The following PSAP variants were observed in gnomAD, a reference collection of about 807,000 sequenced individuals.
The protein encoded by PSAP is precursor of saposins.
A neutral mutation model predicts 66.0 loss-of-function variants in PSAP; 25 were observed. The ratio of observed to expected loss-of-function variants is 0.38; its 90% confidence interval spans 0.28 to 0.53. The LOEUF (loss-of-function observed/expected upper bound fraction) is 0.53, where lower values mean the gene tolerates loss of function less well. PSAP is among the 20% of genes least tolerant of loss of function. The pLI is 0.83. For missense variants in PSAP, 649 were observed against 668.8 expected (o/e 0.97, Z 0.33); for synonymous variants, 273 against 258.9 (o/e 1.05, Z -0.52).
rs909383474 is a variant in PSAP at position 71,816,949 on chromosome 10, A to T, written c.*492T>A. On this transcript the variant is annotated 3_prime_UTR_variant, in exon 14 of 14. Transcript: ENST00000394936. ...AAAAGCCTGATTATTCCAGGCTTCT[A>T]ATCTTTCATATAAAACTGCCTTTGT... The T allele has an allele frequency of 9.7e-6, 2 of 206,052 alleles. No individual in the cohort carries two copies. Among genetic ancestry groups the T allele is most frequent in the Non-Finnish European group, 2.0e-5 (2 of 99,158 alleles). 12.8% of individuals were successfully genotyped at this position (206,052 alleles called of 1,614,324 possible).
intron 7 of PSAP, among the ~76,000 whole-genome samples, chr10:71,823,011 G>GAA (rs1239335636): frequency 1.4e-4 from 20 of 142,396 alleles, no homozygotes; most frequent in African/African-American, 5.1e-4. Flanking sequence ...AAGCTTTTTA[G>GAA]AAAAAAAAAA....
In PSAP at chr10:71,825,901, G is replaced by A. The variant is rs749984517; in HGVS notation, c.721-8C>T. ...GCTGATATAGTTCTTGCACTGAGGA[G>A]AGAGAAACAGATTGCTAAACAAATC... is the stretch of plus-strand genomic sequence containing the variant. On this transcript the variant is annotated splice_polypyrimidine_tract_variant and splice_region_variant and intron_variant, in intron 6 of 13. Coordinates refer to ENST00000394936, the MANE Select transcript of PSAP (RefSeq NM_002778.4). 8 of 1,611,438 alleles carry A rather than the reference G, an allele frequency of 5.0e-6. No individual in the cohort carries two copies. The highest frequency in any genetic ancestry group is 6.8e-6 in the Non-Finnish European group (8 of 1,177,584).
At chr10:71,843,474 A>C (rs1842766345) in intron 1 of PSAP, among the ~76,000 whole-genome samples, 2 of 152,232 alleles carry the variant, frequency 1.3e-5, no homozygotes, top group African/African-American at 2.4e-5. Context: ...GAGAGTCATA[A>C]GTAACGTGAC....
chr10:71,820,219 T>C (rs752843693), intron 9 of PSAP, 21 bp downstream of exon 9: 2 of 1,594,458 alleles, frequency 1.3e-6, no homozygotes, highest in Non-Finnish European at 1.7e-6. Flanking sequence ...AGGCCCTCCC[T>C]CTGCCAGGAG....
Position 71,851,196 on chromosome 10 carries a change from C to T in PSAP, c.26G>A (p.Ser9Asn), listed in dbSNP as rs746678274. The T allele has an allele frequency of 4.5e-6, 7 of 1,551,034 alleles. No homozygotes were observed. The East Asian group carries it at 1.7e-4, about 38-fold the overall frequency. MYALFLLA[S>N]LLGAALAGPV... is the part of the protein sequence containing the mutation. ...CCAGGGCTTACCCGCGCCCAGGAGGCTGGCCAGGAGGAAGAGGGCGTACAT... is the reference window on the plus strand; with the variant it reads ...CCAGGGCTTACCCGCGCCCAGGAGGTTGGCCAGGAGGAAGAGGGCGTACAT... Residue 9 changes from serine (S) to asparagine (N), a missense_variant, in exon 1 of 14, where the codon AGC becomes AAC. Physicochemically the swap from Ser to Asn is conservative, Grantham distance 46. Transcript: ENST00000394936.
chr10:71,818,862 T>C (rs552904934), intron 12 of PSAP, 138 bp from the exon 13 acceptor site: 1 of 1,035,240 alleles, frequency 9.7e-7, no homozygotes, highest in East Asian at 2.5e-5. Flanking sequence ...TCAGGGTTGC[T>C]GAGGAAAGCG....
intron 1 of PSAP, among the ~76,000 whole-genome samples, chr10:71,850,675 G>C (rs553645145): frequency 7.2e-5 from 11 of 152,318 alleles, no homozygotes; most frequent in African/African-American, 2.4e-4. Context: ...CTAGAATCCA[G>C]AGTAAATACA....
intron 1 of PSAP, among the ~76,000 whole-genome samples, chr10:71,850,749 G>A (rs200245646): frequency 1.3e-5 from 2 of 152,224 alleles, no homozygotes; most frequent in East Asian, 1.9e-4. Flanking sequence ...CTTACAAACA[G>A]GCAACTGAAG....
At chr10:71,834,554 G>C (rs375713399) in intron 1 of PSAP, 49 bp from the exon 2 acceptor site, 1 of 1,604,888 alleles carries the variant, frequency 6.2e-7, no homozygotes, top group Non-Finnish European at 8.5e-7. Context: ...TAGCAAACCA[G>C]GTCGACCTGA....
intron 3 of PSAP, 73 bp from the exon 4 acceptor site, chr10:71,831,324 G>A (rs1211528132): frequency 2.5e-6 from 4 of 1,574,852 alleles, no homozygotes; most frequent in South Asian, 1.1e-5. Flanking sequence ...AAGGCAAGAG[G>A]CCCTCAATAG....
chr10:71,822,593 C>T, intron 7 of PSAP: 1 of 472,222 alleles, frequency 2.1e-6, no homozygotes, highest in Admixed American at 2.3e-5. Flanking sequence ...GCCACAAGGT[C>T]TCCAGATTGA....
chr10:71,848,756 T>C (rs182035772), intron 1 of PSAP, among the ~76,000 whole-genome samples: 11 of 152,328 alleles, frequency 7.2e-5, no homozygotes, highest in African/African-American at 2.4e-4. Flanking sequence ...TTATCATGTC[T>C]AGAAATTTTA....
intron 1 of PSAP, among the ~76,000 whole-genome samples, chr10:71,848,035 T>G (rs1842853291): frequency 6.6e-6 from 1 of 152,222 alleles, no homozygotes; most frequent in Non-Finnish European, 1.5e-5. Flanking sequence ...CCATCCCTCA[T>G]GCCTTACACC....
chr10:71,822,128 TCTCCCC>T, intron 7 of PSAP, 121 bp from the exon 8 acceptor site: 1 of 1,364,196 alleles, frequency 7.3e-7, no homozygotes. Flanking sequence ...GCTACCTCCC[TCTCCCC>T]CTCCCACAAC....
chr10:71,831,956 G>A (rs761481248), intron 2 of PSAP, 36 bp from the exon 3 acceptor site: 2 of 1,585,874 alleles, frequency 1.3e-6, no homozygotes, highest in Non-Finnish European at 1.7e-6. Flanking sequence ...GTATTTGCAG[G>A]ACACAAATTC....
intron 5 of PSAP, 26 bp downstream of exon 5, chr10:71,828,851 C>G: frequency 1.9e-6 from 3 of 1,613,144 alleles, no homozygotes; most frequent in Non-Finnish European, 2.5e-6. Context: ...AAAAATGGGT[C>G]CTCAGTGGCC....
intron 1 of PSAP, among the ~76,000 whole-genome samples, chr10:71,850,787 G>C (rs897289090): frequency 1.2e-4 from 19 of 152,272 alleles, no homozygotes; most frequent in African/African-American, 4.6e-4. Context: ...CTGCGGGACG[G>C]GGCTCCAGCC....
At position 71,821,900 on chromosome 10, in the gene PSAP, G is replaced by A. The variant is rs563653978; in HGVS notation, c.885C>T (p.Ala295=). The change falls in exon 8 of 14, where the codon GCC becomes GCT. Residue 295 remains alanine, a synonymous_variant. Transcript: ENST00000394936. ...CCTTAATGGGCTCCACCAGTTCCAGGGCAGGGATGACATTCTTGGAGGCCA... is the reference window on the plus strand; with the variant it reads ...CCTTAATGGGCTCCACCAGTTCCAGAGCAGGGATGACATTCTTGGAGGCCA... ...AKVASKNVIP[A]LELVEPIKKH... is the part of the protein sequence containing the mutation. The A allele has an allele frequency of 6.2e-7, 1 of 1,614,184 alleles. No individual in the cohort carries two copies. The highest frequency in any genetic ancestry group is 1.1e-5 in the South Asian group (1 of 91,086).
chr10:71,828,056 G>C lies in PSAP; in HGVS notation c.678C>G (p.Val226=), dbSNP rs1365333946. The C allele has an allele frequency of 6.2e-7, 1 of 1,614,176 alleles. No homozygotes were observed. Among genetic ancestry groups the C allele is most frequent in the Admixed American group, 1.7e-5 (1 of 60,022 alleles). ...GGCCCAGGCGGTCACACTCCTCCTT[G>C]ACATGTTCCACCAAGGCCTGGACAA... The part of the protein sequence containing the change: ...STFVQALVEH[V]KEECDRLGPG... The change falls in exon 6 of 14, where the codon GTC becomes GTG. Residue 226 remains valine, a synonymous_variant. Transcript: ENST00000394936.
Sources: gnomAD v4.1 joint callset for allele counts (sites outside exome capture counted in the v4.1 genomes callset) on GRCh38, gnomAD v4.1.1 for gene constraint, MANE v1.5 for transcripts, NCBI Gene and HGNC (gene_info 2026-07-23, HGNC 2026-07-21) for gene names.